Variants in PGCKA1 observed in about 807,000 individuals in gnomAD.
PGCKA1 encodes the protein PDCD10 and GCKIII kinases associated 1, also known as PDCD10 and GCKIII kinases-associated protein 1.
At chr4:37,590,800 G>A in the PGCKA1 span, 1 of 1,614,148 alleles carries the variant, frequency 6.2e-7, no homozygotes, top group Non-Finnish European at 8.5e-7. Flanking sequence ...TGTGGAAACA[G>A]AAGTTCTAAG....
At chr4:37,507,964 A>G in the PGCKA1 span, among the ~76,000 whole-genome samples, 1 of 152,170 alleles carries the variant, frequency 6.6e-6, no homozygotes, top group Admixed American at 6.5e-5. Flanking sequence ...ATTCCAGCAT[A>G]AAAGTTTTAT....
At chr4:37,544,839 G>T in the PGCKA1 span, among the ~76,000 whole-genome samples, 3,679 of 147,700 alleles carry the variant, frequency 0.025, 163 homozygotes, top group African/African-American at 0.086. Context: ...GTTCTTTTTT[G>T]TTTTTTTTTC....
the PGCKA1 span, among the ~76,000 whole-genome samples, chr4:37,574,421 C>T: frequency 6.6e-6 from 1 of 150,624 alleles, no homozygotes; most frequent in East Asian, 1.9e-4. Context: ...ATTTTTCAAG[C>T]AGATTTTACT....
At chr4:37,548,264 C>T in the PGCKA1 span, among the ~76,000 whole-genome samples, 4 of 152,044 alleles carry the variant, frequency 2.6e-5, no homozygotes, top group South Asian at 8.3e-4. Context: ...AGTTTATGTG[C>T]AAGGTGTATA....
chr4:37,589,757 G>A, the PGCKA1 span, among the ~76,000 whole-genome samples: 5 of 152,026 alleles, frequency 3.3e-5, no homozygotes, highest in East Asian at 1.9e-4. Flanking sequence ...TCAGCCTCCC[G>A]AGTAGCTGGG....
the PGCKA1 span, among the ~76,000 whole-genome samples, chr4:37,573,967 A>C: frequency 6.6e-6 from 1 of 152,162 alleles, no homozygotes; most frequent in African/African-American, 2.4e-5. Context: ...AGGTGGGTGG[A>C]TCACGAGGTC....
the PGCKA1 span, among the ~76,000 whole-genome samples, chr4:37,514,794 C>T: frequency 4.8e-4 from 73 of 152,282 alleles, no homozygotes; most frequent in African/African-American, 1.6e-3. Context: ...GCTGAGGCAG[C>T]TCAGCAGGGA....
the PGCKA1 span, among the ~76,000 whole-genome samples, chr4:37,554,555 T>TC: frequency 1.6e-3 from 247 of 152,184 alleles, no homozygotes; most frequent in African/African-American, 5.4e-3. Flanking sequence ...ACCATGTTGG[T>TC]CAGGCTAGTC....
At chr4:37,541,612 C>T in the PGCKA1 span, among the ~76,000 whole-genome samples, 1 of 152,164 alleles carries the variant, frequency 6.6e-6, no homozygotes, top group African/African-American at 2.4e-5. Context: ...GCTTCTGCCA[C>T]CAGCTTTTCC....
At chr4:37,547,362 C>T in the PGCKA1 span, among the ~76,000 whole-genome samples, 3 of 151,998 alleles carry the variant, frequency 2.0e-5, no homozygotes, top group Admixed American at 2.0e-4. Flanking sequence ...GTGTGTGTGC[C>T]CTTTTTAAGT....
chr4:37,551,196 G>A, the PGCKA1 span, among the ~76,000 whole-genome samples: 2 of 152,134 alleles, frequency 1.3e-5, no homozygotes, highest in African/African-American at 2.4e-5. Context: ...CAGTGGACAG[G>A]TAGCTGTGTA....
the PGCKA1 span, among the ~76,000 whole-genome samples, chr4:37,486,537 G>A: frequency 6.6e-6 from 1 of 152,250 alleles, no homozygotes; most frequent in African/African-American, 2.4e-5. Flanking sequence ...GGTTTATTGA[G>A]AAAAGAAAGG....
chr4:37,543,732 G>T, the PGCKA1 span, among the ~76,000 whole-genome samples: 3 of 151,898 alleles, frequency 2.0e-5, no homozygotes, highest in Non-Finnish European at 4.4e-5. Flanking sequence ...TACTCGGGAG[G>T]CTGAGGCAGG....
the PGCKA1 span, among the ~76,000 whole-genome samples, chr4:37,540,941 AC>A: frequency 6.1e-5 from 9 of 146,750 alleles, no homozygotes; most frequent in African/African-American, 2.4e-4. Flanking sequence ...TTGGAAAAAA[AC>A]CCCTTTTTTT....
the PGCKA1 span, among the ~76,000 whole-genome samples, chr4:37,549,232 G>A: frequency 3.9e-5 from 6 of 152,348 alleles, no homozygotes; most frequent in African/African-American, 7.2e-5. Flanking sequence ...AAGCGGATGC[G>A]TGGTAGTATT....
chr4:37,592,378 A>G, the PGCKA1 span, among the ~76,000 whole-genome samples: 317 of 147,734 alleles, frequency 2.1e-3, no homozygotes, highest in Non-Finnish European at 3.2e-3. Flanking sequence ...AAAAAGAGCT[A>G]GACTACAAAA....
the PGCKA1 span, among the ~76,000 whole-genome samples, chr4:37,534,778 C>T: frequency 6.6e-6 from 1 of 152,120 alleles, no homozygotes; most frequent in Non-Finnish European, 1.5e-5. Context: ...GAAGTCAGAG[C>T]CCTTGTGATG....
the PGCKA1 span, among the ~76,000 whole-genome samples, chr4:37,490,543 C>G: frequency 2.6e-5 from 4 of 152,116 alleles, no homozygotes; most frequent in Non-Finnish European, 5.9e-5. Context: ...GAGCTTAACT[C>G]ATGGAGACAG....
At chr4:37,564,163 A>C in the PGCKA1 span, among the ~76,000 whole-genome samples, 1 of 151,408 alleles carries the variant, frequency 6.6e-6, no homozygotes, top group African/African-American at 2.4e-5. Context: ...AATCCCAGCT[A>C]TTCAGGAGGC....
Sources: gnomAD v4.1 joint callset for allele counts (sites outside exome capture counted in the v4.1 genomes callset) on GRCh38, gnomAD v4.1.1 for gene constraint, MANE v1.5 for transcripts, NCBI Gene and HGNC (gene_info 2026-07-23, HGNC 2026-07-21) for gene names.